The following TRHDE variants were observed in gnomAD, a reference collection of about 807,000 sequenced individuals.
TRHDE encodes thyrotropin-releasing hormone-degrading ectoenzyme.
In TRHDE, 72 loss-of-function variants were observed where a neutral mutation model predicts 125.7. The observed-to-expected ratio is 0.57, with a 90% confidence interval of 0.47 to 0.70. The LOEUF (loss-of-function observed/expected upper bound fraction) is 0.70, where lower values mean the gene tolerates loss of function less well. Ranked by LOEUF, TRHDE falls within the 30% of genes least tolerant of loss-of-function variation. The pLI is 0.00. For synonymous variants in TRHDE, 509 were observed against 509.1 expected (o/e 1.00, Z 0.00); for missense variants, 1,110 against 1,327.1 (o/e 0.84, Z 2.54).
intron 2 of TRHDE, among the ~76,000 whole-genome samples, chr12:72,298,399 A>G (rs1166476649): frequency 1.3e-5 from 2 of 152,208 alleles, no homozygotes; most frequent in African/African-American, 4.8e-5. Context: ...AGGTCCTGGC[A>G]TATCTAGAGT....
intron 6 of TRHDE, among the ~76,000 whole-genome samples, chr12:72,502,430 A>G (rs1240437787): frequency 6.6e-6 from 1 of 152,084 alleles, no homozygotes; most frequent in African/African-American, 2.4e-5. Flanking sequence ...TTCAGAGTGT[A>G]TTATTTAGAT....
intron 2 of TRHDE, chr12:72,262,734 C>T (rs1415624632): frequency 3.9e-5 from 6 of 152,026 alleles, no homozygotes; most frequent in Non-Finnish European, 8.8e-5. Flanking sequence ...TGAAACAAAT[C>T]CTTTACTTTA....
intron 2 of TRHDE, among the ~76,000 whole-genome samples, chr12:72,240,353 GTA>G (rs1485877771): frequency 6.8e-6 from 1 of 147,778 alleles, no homozygotes; most frequent in Non-Finnish European, 1.5e-5. Flanking sequence ...ATATATTTGT[GTA>G]TATATATATT....
At chr12:72,472,634 T>C (rs570739313) in intron 4 of TRHDE, among the ~76,000 whole-genome samples, 1 of 152,294 alleles carries the variant, frequency 6.6e-6, no homozygotes, top group East Asian at 1.9e-4. Flanking sequence ...GCCATCTCAG[T>C]CTGTTAGAGG....
intron 3 of TRHDE, among the ~76,000 whole-genome samples, chr12:72,455,585 A>G (rs1158033707): frequency 6.6e-6 from 1 of 152,168 alleles, no homozygotes; most frequent in Non-Finnish European, 1.5e-5. Context: ...CCAGTAACAA[A>G]TGGAAGTGTT....
intron 1 of TRHDE, among the ~76,000 whole-genome samples, chr12:72,089,755 T>A (rs1450343211): frequency 6.6e-6 from 1 of 152,208 alleles, no homozygotes; most frequent in Non-Finnish European, 1.5e-5. Context: ...ACATACTGTA[T>A]AATTTACTTA....
intron 2 of TRHDE, among the ~76,000 whole-genome samples, chr12:72,291,982 C>A (rs939812272): frequency 2.5e-4 from 38 of 152,192 alleles, no homozygotes; most frequent in Non-Finnish European, 5.1e-4. Context: ...TCAGCCCAAG[C>A]AGGTACACTT....
chr12:72,595,980 T>C (rs1356938904), intron 12 of TRHDE, among the ~76,000 whole-genome samples: 1 of 152,108 alleles, frequency 6.6e-6, no homozygotes, highest in Non-Finnish European at 1.5e-5. Context: ...TTACCTTCAT[T>C]TCACATCAGT....
intron 15 of TRHDE, among the ~76,000 whole-genome samples, chr12:72,637,489 G>A (rs1386069001): frequency 2.6e-5 from 4 of 151,826 alleles, no homozygotes; most frequent in African/African-American, 7.3e-5. Context: ...AGGGTTTTTT[G>A]TGTCTCTATG....
At chr12:72,396,423 A>G (rs1425172789) in intron 3 of TRHDE, among the ~76,000 whole-genome samples, 1 of 152,054 alleles carries the variant, frequency 6.6e-6, no homozygotes, top group Non-Finnish European at 1.5e-5. Flanking sequence ...TCTATAGCCT[A>G]TAGGAGAGTT....
chr12:72,176,405 C>T (rs926638888), intron 2 of TRHDE, among the ~76,000 whole-genome samples: 2 of 152,104 alleles, frequency 1.3e-5, no homozygotes, highest in Non-Finnish European at 2.9e-5. Flanking sequence ...CTAGCTGACT[C>T]TGCAGCTGAT....
chr12:72,277,675 A>T (rs1348063646), intron 1 of TRHDE, among the ~76,000 whole-genome samples: 1 of 152,060 alleles, frequency 6.6e-6, no homozygotes, highest in Non-Finnish European at 1.5e-5. Context: ...GTATCTAGAC[A>T]ATGTTTACTA....
At chr12:72,495,958 CCACT>C (rs1472642919) in intron 5 of TRHDE, among the ~76,000 whole-genome samples, 1 of 152,130 alleles carries the variant, frequency 6.6e-6, no homozygotes, top group African/African-American at 2.4e-5. Flanking sequence ...ACATATTCAA[CCACT>C]CTAGGTAGTA....
At chr12:72,571,154 GA>G (rs1362764039) in intron 10 of TRHDE, among the ~76,000 whole-genome samples, 5 of 151,674 alleles carry the variant, frequency 3.3e-5, no homozygotes, top group Non-Finnish European at 5.9e-5. Flanking sequence ...CAAAAATTAG[GA>G]AAAAAAGATA....
intron 2 of TRHDE, among the ~76,000 whole-genome samples, chr12:72,317,017 A>T (rs181720537): frequency 2.6e-5 from 4 of 152,332 alleles, no homozygotes; most frequent in Admixed American, 2.6e-4. Flanking sequence ...CTGTACTAAT[A>T]AATTCACCAA....
At position 72,230,718 on chromosome 12, in the gene TRHDE, C is replaced by G. The variant is rs182610493; in HGVS notation, n.279+124966C>G. 2.0e-5 allele frequency among the ~76,000 whole-genome samples: 3 copies of G among 152,066 alleles called. No homozygotes were observed. In the South Asian group the frequency reaches 6.2e-4, roughly 32 times the overall value. Reference sequence around the variant, plus strand: ...GCTCTCAGGACACAGAAAGACCCATCGACCTTATCAGAGCAGGGAGATGCA... The same window carrying G: ...GCTCTCAGGACACAGAAAGACCCATGGACCTTATCAGAGCAGGGAGATGCA... On this transcript the variant is annotated intron_variant and non_coding_transcript_variant, in intron 2 of 4. Transcript: ENST00000548156.
At chr12:72,315,627 A>G (rs1017060154) in intron 2 of TRHDE, among the ~76,000 whole-genome samples, 1 of 152,254 alleles carries the variant, frequency 6.6e-6, no homozygotes. Context: ...TCTCAGAGGC[A>G]TATGGGCAGA....
chr12:72,260,216 A>G (rs889467256), intron 2 of TRHDE, among the ~76,000 whole-genome samples: 3 of 152,058 alleles, frequency 2.0e-5, no homozygotes, highest in Non-Finnish European at 2.9e-5. Context: ...ATCAAGTAGG[A>G]CTCTATTGTA....
intron 3 of TRHDE, among the ~76,000 whole-genome samples, chr12:72,463,724 G>A (rs1876234128): frequency 6.6e-6 from 1 of 152,258 alleles, no homozygotes; most frequent in South Asian, 2.1e-4. Context: ...TGTGAGATAA[G>A]AATCTGACTG....
Sources: allele counts gnomAD v4.1 joint callset (sites outside exome capture counted in the v4.1 genomes callset), GRCh38; gene constraint gnomAD v4.1.1; transcripts MANE v1.5; gene names NCBI Gene and HGNC (gene_info 2026-07-23, HGNC 2026-07-21).